Variants in MARK1 observed in about 807,000 individuals in gnomAD.
MARK1 encodes serine/threonine-protein kinase MARK1.
In MARK1, 40 loss-of-function variants were observed where a neutral mutation model predicts 96.3. The ratio of observed to expected loss-of-function variants is 0.42; its 90% CI spans 0.32 to 0.54. The LOEUF (loss-of-function observed/expected upper bound fraction) is 0.54. Among genes scored for constraint, MARK1 ranks in the 20% least tolerant of loss-of-function variants. The pLI is 0.16. For synonymous variants in MARK1, 317 were observed against 341.2 expected (o/e 0.93, Z 0.78); for missense variants, 719 against 984.6 (o/e 0.73, Z 3.61).
At chr1:220,615,607 A>T (rs1005628930) in intron 6 of MARK1, among the ~76,000 whole-genome samples, 4 of 152,206 alleles carry the variant, frequency 2.6e-5, no homozygotes, top group African/African-American at 9.6e-5. Context: ...TTTCAACACT[A>T]TAATAAACCA....
In MARK1 at chr1:220,599,293, C is replaced by T. The variant is rs562850311; in HGVS notation, c.359-505C>T. Among the ~76,000 whole-genome samples, 6 of 151,956 alleles carry T rather than the reference C, an allele frequency of 3.9e-5. No individual in the cohort carries two copies. The South Asian group carries it at 1.2e-3, about 32-fold the overall frequency. ...TTTTTTGCACATTTAAAAATCTTAT[C>T]TGTATATAGTTGTTAAAGTATTTAT... On this transcript the variant is annotated intron_variant, in intron 4 of 17. Coordinates refer to ENST00000366917, the MANE Select transcript of MARK1 (RefSeq NM_018650.5).
At chr1:220,561,937 A>G (rs987576510) in intron 1 of MARK1, among the ~76,000 whole-genome samples, 1 of 152,164 alleles carries the variant, frequency 6.6e-6, no homozygotes, top group South Asian at 2.1e-4. Flanking sequence ...GTGGGGGAAA[A>G]CTTACCATGA....
At chr1:220,628,563 T>C (rs1356290768) in intron 9 of MARK1, among the ~76,000 whole-genome samples, 2 of 152,192 alleles carry the variant, frequency 1.3e-5, no homozygotes, top group Non-Finnish European at 2.9e-5. Flanking sequence ...CATGTCATGC[T>C]GTGCGGGTTT....
intron 1 of MARK1, among the ~76,000 whole-genome samples, chr1:220,558,839 G>A (rs1002304789): frequency 6.6e-6 from 1 of 151,970 alleles, no homozygotes; most frequent in African/African-American, 2.4e-5. Context: ...GTATAGAGTC[G>A]TATACTCTCA....
chr1:220,538,889 G>T (rs1660917618), intron 1 of MARK1, among the ~76,000 whole-genome samples: 1 of 149,418 alleles, frequency 6.7e-6, no homozygotes, highest in Admixed American at 6.6e-5. Context: ...TGGTGTATAA[G>T]AATGCTTGTG....
intron 3 of MARK1, among the ~76,000 whole-genome samples, chr1:220,586,833 A>G (rs1183237903): frequency 6.6e-6 from 1 of 152,116 alleles, no homozygotes; most frequent in East Asian, 1.9e-4. Flanking sequence ...TAAGCATCGT[A>G]TTTTCATGTT....
chr1:220,656,269 T>G (rs1029779670), intron 16 of MARK1, among the ~76,000 whole-genome samples: 3 of 152,146 alleles, frequency 2.0e-5, no homozygotes, highest in Non-Finnish European at 4.4e-5. Flanking sequence ...TAGCAGAAAT[T>G]TTTCCAATGT....
chr1:220,607,522 T>TC (rs1666155634), intron 6 of MARK1, among the ~76,000 whole-genome samples: 2 of 152,306 alleles, frequency 1.3e-5, no homozygotes, highest in South Asian at 4.1e-4. Context: ...TATTTTTTTT[T>TC]CTTGCCTGAT....
At chr1:220,582,134 A>G (rs1187168247) in intron 3 of MARK1, among the ~76,000 whole-genome samples, 1 of 152,238 alleles carries the variant, frequency 6.6e-6, no homozygotes, top group Non-Finnish European at 1.5e-5. Flanking sequence ...CATTTGGCTC[A>G]GTCCCAGATT....
chr1:220,569,839 A>G (rs1663317819), intron 1 of MARK1, among the ~76,000 whole-genome samples: 1 of 152,068 alleles, frequency 6.6e-6, no homozygotes, highest in African/African-American at 2.4e-5. Context: ...GTGTTTATAG[A>G]TGTCAGTAAG....
At chr1:220,580,883 G>A (rs1664195674) in intron 2 of MARK1, among the ~76,000 whole-genome samples, 182 bp from the exon 3 acceptor site, 1 of 152,124 alleles carries the variant, frequency 6.6e-6, no homozygotes, top group Non-Finnish European at 1.5e-5. Flanking sequence ...TTAAAGACTT[G>A]GGTCAATGGA....
intron 1 of MARK1, among the ~76,000 whole-genome samples, chr1:220,548,754 T>C (rs115687670): frequency 0.039 from 5,877 of 151,976 alleles, 142 homozygotes; most frequent in Non-Finnish European, 0.061. Flanking sequence ...GACTCCCATC[T>C]CAGAAAAAAA....
At chr1:220,621,705 T>A (rs996148953) in intron 9 of MARK1, among the ~76,000 whole-genome samples, 2 of 152,226 alleles carry the variant, frequency 1.3e-5, no homozygotes, top group Middle Eastern at 3.4e-3. Flanking sequence ...ACATCATGAA[T>A]GTTTTTTCAG....
At chr1:220,570,095 T>C (rs1663339267) in intron 1 of MARK1, among the ~76,000 whole-genome samples, 1 of 152,112 alleles carries the variant, frequency 6.6e-6, no homozygotes. Flanking sequence ...ATATATCATT[T>C]CATAAAAATT....
intron 1 of MARK1, among the ~76,000 whole-genome samples, chr1:220,546,097 A>G (rs1314016942): frequency 3.3e-5 from 5 of 152,052 alleles, no homozygotes; most frequent in Non-Finnish European, 7.4e-5. Flanking sequence ...CTTCTTTAGT[A>G]CTTTTCCATC....
intron 1 of MARK1, among the ~76,000 whole-genome samples, chr1:220,530,851 A>G (rs1264587858): frequency 1.3e-5 from 2 of 152,164 alleles, no homozygotes; most frequent in African/African-American, 4.8e-5. Flanking sequence ...CATTTAGCTT[A>G]CTTTACCCAC....
At chr1:220,659,370 G>A (rs995642509) in intron 17 of MARK1, among the ~76,000 whole-genome samples, 5 of 152,150 alleles carry the variant, frequency 3.3e-5, no homozygotes, top group Non-Finnish European at 7.3e-5. Flanking sequence ...TGATACTGTG[G>A]TTAGAAGTAT....
At position 220,625,409 on chromosome 1, in the gene MARK1, TC is replaced by T. The variant is rs143759729; in HGVS notation, c.910-5625del. ...ATTGAACAAACCAGACATGGATCAT[TC>T]TTTGATTGGGTTTATGGTCCAGTGG... is the stretch of plus-strand genomic sequence containing the variant. On this transcript the variant is annotated intron_variant, in intron 9 of 17. Transcript: ENST00000366917. Among the ~76,000 whole-genome samples, 250 of 152,318 alleles carry T rather than the reference TC, an allele frequency of 1.6e-3. 2 individuals carry two copies. The highest frequency in any genetic ancestry group is 5.5e-3 in the African/African-American group (227 of 41,568).
chr1:220,592,210 T>A (rs1572140089), intron 3 of MARK1, among the ~76,000 whole-genome samples: 1 of 135,670 alleles, frequency 7.4e-6, no homozygotes, highest in East Asian at 2.2e-4. Flanking sequence ...TTCACTGTCA[T>A]GATTATATCA....
Sources: gnomAD v4.1 joint callset for allele counts (sites outside exome capture counted in the v4.1 genomes callset) on GRCh38, gnomAD v4.1.1 for gene constraint, MANE v1.5 for transcripts, NCBI Gene and HGNC (gene_info 2026-07-23, HGNC 2026-07-21) for gene names.